Variants in FBXO42 observed in about 807,000 individuals in gnomAD.
FBXO42 encodes F-box protein 42.
A neutral mutation model predicts 71.7 loss-of-function variants in FBXO42; 12 were observed. The ratio of observed to expected loss-of-function variants is 0.17; its 90% CI spans 0.11 to 0.27. The LOEUF (loss-of-function observed/expected upper bound fraction) is 0.27, where lower values mean the gene tolerates loss of function less well. Ranked by LOEUF, FBXO42 falls within the 10% of genes least tolerant of loss-of-function variation. FBXO42 has a pLI of 1.00. For missense variants in FBXO42, 707 were observed against 911.9 expected, an observed-to-expected ratio of 0.78 and a Z score of 2.89; for synonymous variants, 325 against 327.5, an observed-to-expected ratio of 0.99 and a Z score of 0.08.
chr1:16,306,684 AATTG>A (rs1382050835), intron 2 of FBXO42, among the ~76,000 whole-genome samples: 1 of 152,050 alleles, frequency 6.6e-6, no homozygotes, highest in Non-Finnish European at 1.5e-5. Context: ...ATTAGTTTAC[AATTG>A]ATTATGTTTT....
At chr1:16,278,090 C>T (rs1222476316) in intron 4 of FBXO42, among the ~76,000 whole-genome samples, 1 of 152,088 alleles carries the variant, frequency 6.6e-6, no homozygotes, top group Non-Finnish European at 1.5e-5. Flanking sequence ...GGCGTGGTGG[C>T]TCATGCCTGT....
intron 4 of FBXO42, among the ~76,000 whole-genome samples, chr1:16,262,146 A>G (rs2081721627): frequency 6.6e-6 from 1 of 152,146 alleles, no homozygotes; most frequent in Non-Finnish European, 1.5e-5. Flanking sequence ...TCCTACTTCC[A>G]TTATTTCTAA....
intron 4 of FBXO42, among the ~76,000 whole-genome samples, chr1:16,281,009 T>C (rs12048559): frequency 6.6e-6 from 1 of 152,334 alleles, no homozygotes; most frequent in East Asian, 1.9e-4. Flanking sequence ...TTGCCCAGGC[T>C]GGAGTGCAAT....
intron 6 of FBXO42, among the ~76,000 whole-genome samples, chr1:16,255,406 C>T (rs2081631258): frequency 6.6e-6 from 1 of 151,254 alleles, no homozygotes; most frequent in African/African-American, 2.4e-5. Flanking sequence ...GTGATCTTGG[C>T]TCACTGCAAT....
At chr1:16,308,274 T>C (rs1414299793) in intron 2 of FBXO42, among the ~76,000 whole-genome samples, 1 of 152,112 alleles carries the variant, frequency 6.6e-6, no homozygotes, top group African/African-American at 2.4e-5. Flanking sequence ...AGCCACTGTG[T>C]CCAGCCTTTA....
intron 2 of FBXO42, among the ~76,000 whole-genome samples, chr1:16,311,850 G>A (rs575002262): frequency 6.6e-6 from 1 of 152,172 alleles, no homozygotes; most frequent in Admixed American, 6.6e-5. Flanking sequence ...TCCAGCAATT[G>A]TGCATCTTGG....
intron 1 of FBXO42, among the ~76,000 whole-genome samples, chr1:16,341,183 A>C (rs991260380): frequency 6.6e-6 from 1 of 152,252 alleles, no homozygotes; most frequent in Non-Finnish European, 1.5e-5. Flanking sequence ...ATATATGCAG[A>C]TATTTGCTTA....
chr1:16,286,606 C>T (rs2983161), intron 4 of FBXO42, among the ~76,000 whole-genome samples: 6,140 of 152,210 alleles, frequency 0.04, 397 homozygotes, highest in African/African-American at 0.14. Context: ...AACTATATTA[C>T]TAACTAATAG....
chr1:16,327,090 C>T (rs1349594869), intron 1 of FBXO42, among the ~76,000 whole-genome samples: 3 of 152,138 alleles, frequency 2.0e-5, no homozygotes, highest in Non-Finnish European at 4.4e-5. Context: ...GAGACTAAGC[C>T]ATATTATCTT....
At chr1:16,346,345 C>T (rs6681243) in intron 1 of FBXO42, among the ~76,000 whole-genome samples, 50,057 of 151,872 alleles carry the variant, frequency 0.33, 8,669 homozygotes, top group African/African-American at 0.38. Flanking sequence ...AACCAAAACA[C>T]GCTTGCCTTT....
intron 4 of FBXO42, among the ~76,000 whole-genome samples, chr1:16,270,708 A>ACAG (rs1553150225): frequency 1.2e-5 from 1 of 85,174 alleles, no homozygotes; most frequent in African/African-American, 4.7e-5. Context: ...AAAAGAAAAG[A>ACAG]AAGAAGAAAA....
chr1:16,295,261 A>C (rs1182268385), intron 3 of FBXO42, among the ~76,000 whole-genome samples: 3 of 152,218 alleles, frequency 2.0e-5, no homozygotes, highest in Non-Finnish European at 2.9e-5. Flanking sequence ...CTGCATCATT[A>C]TCCTCTAGAG....
At chr1:16,253,555 C>A in intron 7 of FBXO42, 80 bp downstream of exon 7, 3 of 1,313,434 alleles carry the variant, frequency 2.3e-6, no homozygotes, top group Non-Finnish European at 3.3e-6. Context: ...TGGCATCTTA[C>A]CTGACTCCCT....
chr1:16,260,724 C>T (rs566148330), intron 4 of FBXO42, among the ~76,000 whole-genome samples: 1 of 152,114 alleles, frequency 6.6e-6, no homozygotes, highest in Non-Finnish European at 1.5e-5. Flanking sequence ...GAGATGAGGT[C>T]TCACTCTGGC....
chr1:16,341,191 T>C (rs2082601223), intron 1 of FBXO42, among the ~76,000 whole-genome samples: 1 of 152,210 alleles, frequency 6.6e-6, no homozygotes, highest in Admixed American at 6.5e-5. Context: ...AGATATTTGC[T>C]TATTATTGCA....
chr1:16,310,039 G>C (rs113048065), intron 2 of FBXO42, among the ~76,000 whole-genome samples: 2 of 150,940 alleles, frequency 1.3e-5, no homozygotes, highest in East Asian at 3.9e-4. Context: ...ACTAAAAATA[G>C]AAAAAATTAG....
chr1:16,281,782 G>A (rs1008553738), intron 4 of FBXO42, among the ~76,000 whole-genome samples: 20 of 151,306 alleles, frequency 1.3e-4, no homozygotes, highest in African/African-American at 4.9e-4. Flanking sequence ...TCAGCCTCCT[G>A]AGAAGCTGGG....
At chr1:16,332,010 T>C (rs1354976228) in intron 1 of FBXO42, among the ~76,000 whole-genome samples, 5 of 151,838 alleles carry the variant, frequency 3.3e-5, no homozygotes, top group African/African-American at 4.8e-5. Context: ...GATCGTGCCA[T>C]TGCACTCCAG....
chr1:16,260,243 C>G (rs926365379), intron 4 of FBXO42, among the ~76,000 whole-genome samples: 30 of 143,682 alleles, frequency 2.1e-4, no homozygotes, highest in Non-Finnish European at 3.6e-4. Flanking sequence ...GAATCTCACT[C>G]TGTCACCCAG....
Sources: gnomAD v4.1 joint callset for allele counts (sites outside exome capture counted in the v4.1 genomes callset) on GRCh38, gnomAD v4.1.1 for gene constraint, MANE v1.5 for transcripts, NCBI Gene and HGNC (gene_info 2026-07-23, HGNC 2026-07-21) for gene names.